CSMD1: variants seen among roughly 807,000 people sequenced by gnomAD.
The protein encoded by CSMD1 is CUB and Sushi multiple domains 1.
Under a neutral mutation model 417.5 loss-of-function variants are expected in CSMD1, and 213 were observed. The ratio of observed to expected loss-of-function variants is 0.51; its 90% CI spans 0.46 to 0.57. The LOEUF is 0.57. Among genes scored for constraint, CSMD1 ranks in the 20% least tolerant of loss-of-function variants. The probability of loss-of-function intolerance (pLI) is 0.00; values close to 1 mark genes in which losing one functional copy is unlikely to be tolerated. For missense variants in CSMD1, 6,923 were observed against 4,529.7 expected (o/e 1.53, Z -15.17); for synonymous variants, 2,862 against 1,736.8 (o/e 1.65, Z -16.11).
chr8:3,344,486 A>C (rs1410857447), intron 22 of CSMD1, among the ~76,000 whole-genome samples: 1 of 152,204 alleles, frequency 6.6e-6, no homozygotes, highest in African/African-American at 2.4e-5. Flanking sequence ...AAAAAAGTCA[A>C]TGCAGCAGTC....
Position 4,398,384 on chromosome 8 carries a change from A to G in CSMD1, c.415+21569T>C, listed in dbSNP as rs62480976. ...CCTCTTTTTAAATTGTCTTGCTGCA[A>G]CTTCTTTTTTTTTTTTTTTTTTTTG... On this transcript the variant is annotated intron_variant, in intron 3 of 69. Transcript: ENST00000635120. Among the ~76,000 whole-genome samples the G allele has an allele frequency of 1.0e-2, 1,137 of 113,886 alleles. 6 individuals carry two copies. Among genetic ancestry groups the G allele is most frequent in the Admixed American group, 0.017 (159 of 9,196 alleles). 74.7% of individuals were successfully genotyped at this position (113,886 alleles called of 152,430 possible).
intron 3 of CSMD1, among the ~76,000 whole-genome samples, chr8:4,312,570 G>T (rs1284113506): frequency 6.6e-6 from 1 of 151,212 alleles, no homozygotes; most frequent in African/African-American, 2.4e-5. Flanking sequence ...TTCTATTTAT[G>T]AGCAACAGAT....
At position 3,200,292 on chromosome 8, in the gene CSMD1, C is replaced by T. The variant is rs1270218751; in HGVS notation, c.5099-483G>A. Among the ~76,000 whole-genome samples the T allele has an allele frequency of 3.9e-5, 6 of 152,108 alleles. No homozygotes were observed. The South Asian group carries it at 8.3e-4, about 21-fold the overall frequency. On this transcript the variant is annotated intron_variant, in intron 32 of 69. Transcript: ENST00000635120. Reference sequence around the variant, plus strand: ...CATATAGGCCAGGTGAGGTGGCTCACACCTGTAATCCCAGCATTTTGGGAG... The same window carrying T: ...CATATAGGCCAGGTGAGGTGGCTCATACCTGTAATCCCAGCATTTTGGGAG...
At chr8:4,084,886 C>G (rs1314259297) in intron 3 of CSMD1, among the ~76,000 whole-genome samples, 1 of 151,956 alleles carries the variant, frequency 6.6e-6, no homozygotes, top group Non-Finnish European at 1.5e-5. Context: ...TACATACATT[C>G]AGTTTAAAAA....
chr8:4,836,218 T>C (rs999429650), intron 1 of CSMD1, among the ~76,000 whole-genome samples: 26 of 152,350 alleles, frequency 1.7e-4, no homozygotes, highest in Middle Eastern at 3.4e-3. Flanking sequence ...CCTTGAGGTA[T>C]TAGATAGGTT....
chr8:3,665,216 T>C (rs1017480677), intron 7 of CSMD1, among the ~76,000 whole-genome samples: 2 of 152,174 alleles, frequency 1.3e-5, no homozygotes, highest in African/African-American at 4.8e-5. Context: ...TATATTGTTT[T>C]GCTAAATAAA....
chr8:4,677,665 T>C (rs934752028), intron 1 of CSMD1, among the ~76,000 whole-genome samples: 21 of 152,188 alleles, frequency 1.4e-4, no homozygotes, highest in Non-Finnish European at 2.4e-4. Flanking sequence ...CTCTGACTAA[T>C]TGTGAATTTC....
At chr8:4,970,858 A>T (rs1009915573) in intron 1 of CSMD1, among the ~76,000 whole-genome samples, 10 of 152,100 alleles carry the variant, frequency 6.6e-5, no homozygotes, top group East Asian at 1.9e-4. Context: ...GATTTTGAAA[A>T]TTTTTTCAGT....
At chr8:3,301,942 T>A (rs980788349) in intron 25 of CSMD1, among the ~76,000 whole-genome samples, 1 of 152,176 alleles carries the variant, frequency 6.6e-6, no homozygotes, top group African/African-American at 2.4e-5. Flanking sequence ...CTATGCACTT[T>A]TTTTTCAGTG....
chr8:3,384,949 T>A (rs1226618433), intron 18 of CSMD1, among the ~76,000 whole-genome samples: 1 of 83,074 alleles, frequency 1.2e-5, no homozygotes, highest in South Asian at 3.1e-4. Flanking sequence ...AATATATGCA[T>A]ATATAATATA....
At position 4,184,793 on chromosome 8, in the gene CSMD1, A is replaced by T. The variant is rs141592344; in HGVS notation, c.416-152694T>A. On this transcript the variant is annotated intron_variant, in intron 3 of 69. Transcript: ENST00000635120. Reference sequence around the variant, plus strand: ...AATAATCTGTACCACAACCTGTGACACAGGTTTACTTATATAGGAAACATG... The same window carrying T: ...AATAATCTGTACCACAACCTGTGACTCAGGTTTACTTATATAGGAAACATG... 8.4e-3 allele frequency among the ~76,000 whole-genome samples: 1,282 copies of T among 151,976 alleles called. 14 individuals are homozygous for T. Among genetic ancestry groups the T allele is most frequent in the Non-Finnish European group, 0.01 (699 of 67,954 alleles).
At chr8:4,122,573 G>T (rs940889349) in intron 3 of CSMD1, among the ~76,000 whole-genome samples, 1 of 152,146 alleles carries the variant, frequency 6.6e-6, no homozygotes, top group Non-Finnish European at 1.5e-5. Context: ...ATGTTTGGAG[G>T]ACATCGCATG....
In CSMD1 at chr8:4,127,970, G is replaced by C. The variant is rs535880058; in HGVS notation, c.416-95871C>G. Among the ~76,000 whole-genome samples, 14 of 152,280 alleles carry C rather than the reference G, an allele frequency of 9.2e-5. No individual in the cohort carries two copies. The East Asian group carries it at 1.9e-3, about 21-fold the overall frequency. On this transcript the variant is annotated intron_variant, in intron 3 of 69. Transcript: ENST00000635120. ...TGTCTTGCAAAGCCTTGTGATATTG[G>C]TAAATGCCACTGCTTTGGGAAAGGG...
At chr8:3,236,861 T>C (rs990385102) in intron 26 of CSMD1, among the ~76,000 whole-genome samples, 3 of 152,186 alleles carry the variant, frequency 2.0e-5, no homozygotes, top group Admixed American at 6.6e-5. Context: ...AAGGCAGCGC[T>C]GTTCCTGAGA....
intron 10 of CSMD1, among the ~76,000 whole-genome samples, chr8:3,530,935 C>T (rs932969800): frequency 3.3e-5 from 5 of 151,954 alleles, no homozygotes; most frequent in African/African-American, 9.7e-5. Flanking sequence ...TCACTGCAAC[C>T]TCCACCTCCC....
At chr8:3,974,145 T>C (rs1404467658) in intron 5 of CSMD1, among the ~76,000 whole-genome samples, 1 of 152,168 alleles carries the variant, frequency 6.6e-6, no homozygotes, top group Non-Finnish European at 1.5e-5. Flanking sequence ...TGTGTGTGTG[T>C]CTACATGTAC....
At chr8:4,119,136 T>C (rs1437084615) in intron 3 of CSMD1, among the ~76,000 whole-genome samples, 4 of 152,102 alleles carry the variant, frequency 2.6e-5, no homozygotes, top group Non-Finnish European at 4.4e-5. Context: ...ACGTACCTAA[T>C]GCATGTCGGG....
chr8:3,046,959 C>T (rs982901496), intron 50 of CSMD1, among the ~76,000 whole-genome samples: 6 of 152,148 alleles, frequency 3.9e-5, no homozygotes, highest in Non-Finnish European at 8.8e-5. Flanking sequence ...TGGCTGATGC[C>T]GGCACTTTGG....
chr8:4,168,737 A>C (rs1044481550), intron 3 of CSMD1, among the ~76,000 whole-genome samples: 1 of 152,150 alleles, frequency 6.6e-6, no homozygotes, highest in Non-Finnish European at 1.5e-5. Flanking sequence ...CTTAGACCTC[A>C]TTGGCTATTC....
Sources: gnomAD v4.1 joint callset for allele counts (sites outside exome capture counted in the v4.1 genomes callset) on GRCh38, gnomAD v4.1.1 for gene constraint, MANE v1.5 for transcripts, NCBI Gene and HGNC (gene_info 2026-07-23, HGNC 2026-07-21) for gene names.